The following LLGL2 variants were observed in gnomAD, a reference collection of about 807,000 sequenced individuals.
LLGL2 encodes LLGL scribble cell polarity complex component 2.
In LLGL2, 81 loss-of-function variants were observed where a neutral mutation model predicts 123.2. The ratio of observed to expected loss-of-function variants is 0.66; its 90% confidence interval spans 0.55 to 0.79. The LOEUF is 0.79. Among genes scored for constraint, LLGL2 ranks in the 30% least tolerant of loss-of-function variants. LLGL2 has a pLI of 0.00. For synonymous variants in LLGL2, 577 were observed against 594.1 expected, an observed-to-expected ratio of 0.97 and a Z score of 0.42; for missense variants, 1,273 against 1,414.6, an observed-to-expected ratio of 0.90 and a Z score of 1.61.
intron 1 of LLGL2, among the ~76,000 whole-genome samples, chr17:75,529,975 T>G (rs1018540871): frequency 1.3e-5 from 2 of 152,226 alleles, no homozygotes; most frequent in African/African-American, 4.8e-5. Flanking sequence ...GTGTGGTCAC[T>G]GACCCGTGCT....
In LLGL2 at chr17:75,558,045, C is replaced by T; in HGVS notation, c.174-110C>T. The T allele has an allele frequency of 9.6e-7, 1 of 1,044,990 alleles. No individual in the cohort carries two copies. The highest frequency in any genetic ancestry group is 1.5e-6 in the Non-Finnish European group (1 of 667,770). 64.7% of individuals were successfully genotyped at this position (1,044,990 alleles called of 1,614,324 possible). A position where few individuals can be genotyped will look rare whatever the true frequency, so the allele number is the denominator to read the frequency against. On this transcript the variant is annotated intron_variant, in intron 3 of 25. Coordinates refer to ENST00000392550, the MANE Select transcript of LLGL2 (RefSeq NM_001031803.2). This position sits in a 1 kb window ranked among gnomAD's most constrained non-coding sequence, Gnocchi z 4.0. Reference sequence around the variant, plus strand: ...TGGGTCCTGCTGCCTCGGGGGAGGGCAGCCCCTCTCTGTGTTTGCATCATT... The same window carrying T: ...TGGGTCCTGCTGCCTCGGGGGAGGGTAGCCCCTCTCTGTGTTTGCATCATT...
intron 6 of LLGL2, among the ~76,000 whole-genome samples, chr17:75,561,472 T>TA (rs2055215120): frequency 6.6e-6 from 1 of 151,626 alleles, no homozygotes; most frequent in Admixed American, 6.6e-5. Context: ...TCACAAAAAA[T>TA]AAAAATTAGT....
Position 75,571,806 on chromosome 17 carries a change from A to G in LLGL2, c.2293+23A>G. On this transcript the variant is annotated intron_variant, in intron 18 of 25. Transcript: ENST00000392550. ...AGGGTGAGTGCTGGGCAGGGAGAGC[A>G]GAGGGTGCTCGGGCTGCCTGGGCTG... is the stretch of plus-strand genomic sequence containing the variant. 3 of 1,604,650 alleles carry G rather than the reference A, an allele frequency of 1.9e-6. No homozygotes were observed. The South Asian group carries it at 3.3e-5, about 18-fold the overall frequency.
intron 10 of LLGL2, among the ~76,000 whole-genome samples, chr17:75,566,774 G>T (rs1394711921): frequency 6.6e-6 from 1 of 152,120 alleles, no homozygotes; most frequent in Non-Finnish European, 1.5e-5. Flanking sequence ...GTGGCAAGAG[G>T]GTGCAGCAAG....
chr17:75,540,343 G>C (rs1242121076), intron 1 of LLGL2, among the ~76,000 whole-genome samples: 1 of 152,192 alleles, frequency 6.6e-6, no homozygotes, highest in Non-Finnish European at 1.5e-5. Context: ...AAGGAAGCGT[G>C]GTGCTTTTCC....
chr17:75,560,796 A>G (rs1394088216), intron 6 of LLGL2, among the ~76,000 whole-genome samples: 3 of 54,534 alleles, frequency 5.5e-5, no homozygotes, highest in Admixed American at 2.5e-4. Flanking sequence ...CAGTTTGTTT[A>G]TTTATTAAAA....
At chr17:75,534,161 A>G (rs1345327814) in intron 1 of LLGL2, among the ~76,000 whole-genome samples, 1 of 152,238 alleles carries the variant, frequency 6.6e-6, no homozygotes, top group Non-Finnish European at 1.5e-5. Context: ...ACTTCCCTGG[A>G]GAGAGAGTCT....
At chr17:75,543,541 C>G (rs373532638) in intron 2 of LLGL2, 40 bp downstream of exon 2, 1 of 1,570,996 alleles carries the variant, frequency 6.4e-7, no homozygotes, top group Non-Finnish European at 8.7e-7. Context: ...CCCAGGTTTT[C>G]GGCCAAGCAG....
intron 2 of LLGL2, 60 bp downstream of exon 2, chr17:75,543,561 G>T: frequency 7.2e-7 from 1 of 1,383,182 alleles, no homozygotes; most frequent in East Asian, 2.4e-5. Context: ...GCTCAGGCTG[G>T]GGCTGAGGCA....
Position 75,570,240 on chromosome 17 carries a change from G to A in LLGL2, c.1859G>A (p.Arg620Gln), listed in dbSNP as rs1035219955. The change falls in exon 15 of 26, where the codon CGG (arginine) becomes CAG (glutamine). Residue 620 changes from arginine (R) to glutamine (Q), a missense_variant. Transcript: ENST00000392550. Reference sequence around the variant, plus strand: ...GGCCTCTTTGACCACCAGCAGCGGCGGCAGGTCTTTGTTAAGTGAGCAGGG... The same window carrying A: ...GGCCTCTTTGACCACCAGCAGCGGCAGCAGGTCTTTGTTAAGTGAGCAGGG... ...GFGLFDHQQR[R>Q]QVFVKCTLHP... The A allele has an allele frequency of 7.5e-6, 12 of 1,601,234 alleles. No homozygotes were observed. The highest frequency in any genetic ancestry group is 6.9e-5 in the Admixed American group (4 of 58,290).
intron 1 of LLGL2, among the ~76,000 whole-genome samples, chr17:75,530,398 T>C (rs7211793): frequency 0.89 from 135,372 of 152,166 alleles, 61,033 homozygotes; most frequent in African/African-American, 0.98. Context: ...CGCCTGTAAT[T>C]CCAGCACTTT....
At chr17:75,573,873 T>A in intron 21 of LLGL2, 79 bp from the exon 22 acceptor site, 11 of 1,494,118 alleles carry the variant, frequency 7.4e-6, no homozygotes, top group Middle Eastern at 1.7e-4. Flanking sequence ...GCCATTGACT[T>A]GTTCTTCATG....
rs774500920 is a variant in LLGL2 at position 75,557,992 on chromosome 17, G to C, written c.174-163G>C. 3 of 762,432 alleles carry C rather than the reference G, an allele frequency of 3.9e-6. No individual in the cohort carries two copies. In the South Asian group the frequency reaches 4.1e-5, roughly 10 times the overall value. 47.2% of individuals were successfully genotyped at this position (762,432 alleles called of 1,614,324 possible). On this transcript the variant is annotated intron_variant, in intron 3 of 25. Coordinates refer to ENST00000392550, the MANE Select transcript of LLGL2 (RefSeq NM_001031803.2). ...GGTGCCCCAGGGCCAGGGCTGCTGTGTCTCCTCCCCACCCTAGGCTCCATG... is the reference window on the plus strand; with the variant it reads ...GGTGCCCCAGGGCCAGGGCTGCTGTCTCTCCTCCCCACCCTAGGCTCCATG...
At chr17:75,557,500 T>G (rs1331428214) in intron 3 of LLGL2, among the ~76,000 whole-genome samples, 1 of 152,206 alleles carries the variant, frequency 6.6e-6, no homozygotes, top group African/African-American at 2.4e-5. Context: ...GCCAGTCTGA[T>G]CTGTGCTCCC....
chr17:75,558,286 T>G lies in LLGL2; in HGVS notation c.255+50T>G, dbSNP rs55829007. On this transcript the variant is annotated intron_variant, in intron 4 of 25. Coordinates refer to ENST00000392550, the MANE Select transcript of LLGL2 (RefSeq NM_001031803.2). The surrounding 1 kb of genome is among the most constrained non-coding windows in gnomAD (Gnocchi z 4.0). ...AAGCCACTTCCATGCCCTCCTTGCC[T>G]TCACTGCTTCCAGCAGGGCTGGTGT... 13,904 of 1,535,336 alleles carry G rather than the reference T, an allele frequency of 9.1e-3. 151 individuals are homozygous for G. Among genetic ancestry groups the G allele is most frequent in the South Asian group, 0.012 (1,037 of 88,964 alleles).
chr17:75,532,139 G>A (rs1342430301), intron 1 of LLGL2, among the ~76,000 whole-genome samples: 2 of 143,940 alleles, frequency 1.4e-5, no homozygotes, highest in African/African-American at 5.2e-5. Flanking sequence ...GGAGTGCAAT[G>A]GCATGATTTC....
chr17:75,557,019 ACT>A (rs1463685444), intron 3 of LLGL2, among the ~76,000 whole-genome samples: 2 of 139,234 alleles, frequency 1.4e-5, no homozygotes, highest in Admixed American at 7.3e-5. Flanking sequence ...ACAGAGTGAG[ACT>A]CTGTCTCAAA....
In LLGL2 at chr17:75,574,506, G is replaced by T; in HGVS notation, c.2996+11G>T. 1 of 1,564,554 alleles carries T rather than the reference G, an allele frequency of 6.4e-7. No individual in the cohort carries two copies. Among genetic ancestry groups the T allele is most frequent in the South Asian group, 1.2e-5 (1 of 85,578 alleles). On this transcript the variant is annotated intron_variant, in intron 24 of 25. Transcript: ENST00000392550. ...GGAGGGAGACCGCGGGTGAGGCACC[G>T]CCCAGGCCAGCTGGGGTGGGCCCGA...
rs543752470 is a variant in LLGL2, at chr17:75,539,224, A to G, written c.-30-4173A>G. 5.1e-4 allele frequency among the ~76,000 whole-genome samples: 78 copies of G among 152,050 alleles called. 1 individual carries two copies. Among genetic ancestry groups the G allele is most frequent in the African/African-American group, 1.8e-3 (74 of 41,470 alleles). On this transcript the variant is annotated intron_variant, in intron 1 of 25. Coordinates refer to ENST00000392550, the MANE Select transcript of LLGL2 (RefSeq NM_001031803.2). Reference sequence around the variant, plus strand: ...AGGTGCATGCCACCATGCCCAGCTAATTTTGTTTTTATTATTTTTAGAGAT... The same window carrying G: ...AGGTGCATGCCACCATGCCCAGCTAGTTTTGTTTTTATTATTTTTAGAGAT...
Sources: allele counts gnomAD v4.1 joint callset (sites outside exome capture counted in the v4.1 genomes callset), GRCh38; gene constraint gnomAD v4.1.1; non-coding constraint Gnocchi (gnomAD v3.1); transcripts MANE v1.5; gene names NCBI Gene and HGNC (gene_info 2026-07-23, HGNC 2026-07-21).